Variants in RAD54B observed in about 807,000 individuals in gnomAD.
RAD54B encodes the protein DNA repair and recombination protein RAD54B.
In RAD54B, 78 loss-of-function variants were observed where a neutral mutation model predicts 95.8. The observed-to-expected ratio is 0.81, with a 90% confidence interval of 0.68 to 0.98. RAD54B has a LOEUF of 0.98. Ranked by LOEUF, RAD54B falls within the 50% of genes least tolerant of loss-of-function variation. RAD54B has a pLI of 0.00. For missense variants in RAD54B, 957 were observed against 1,056.6 expected (o/e 0.91, Z 1.31); for synonymous variants, 328 against 354.9 (o/e 0.92, Z 0.85).
At chr8:94,435,759 T>C (rs1812238326) in intron 3 of RAD54B, among the ~76,000 whole-genome samples, 1 of 152,014 alleles carries the variant, frequency 6.6e-6, no homozygotes, top group South Asian at 2.1e-4. Flanking sequence ...TAATTTGATA[T>C]CCTTGCAAAG....
rs71273330 is a variant in RAD54B, at chr8:94,377,545, GAAAAAAAAAAAAAAAA to G, written c.2515+619_2515+634del. On this transcript the variant is annotated intron_variant, in intron 14 of 14. Transcript: ENST00000336148. ...AGCAACAGAGCCAGACCCTGTCTTG[GAAAAAAAAAAAAAAAA>G]AAAAAAAAAAAAAAAAAAAACTCTA... 8.9e-4 allele frequency among the ~76,000 whole-genome samples: 63 copies of G among 70,582 alleles called. 2 individuals carry two copies. The highest frequency in any genetic ancestry group is 3.3e-3 in the South Asian group (7 of 2,148). The allele number at this position is 70,582 out of a possible 152,430, so 46.3% of individuals were successfully genotyped here. A position where few individuals can be genotyped will look rare whatever the true frequency, so the allele number is the denominator to read the frequency against.
chr8:94,415,211 C>T (rs1329109662), intron 3 of RAD54B, among the ~76,000 whole-genome samples: 8 of 151,458 alleles, frequency 5.3e-5, no homozygotes, highest in Non-Finnish European at 7.4e-5. Context: ...GAAATAACAC[C>T]GCATATCTAC....
chr8:94,432,473 A>G, intron 3 of RAD54B: 3 of 1,550,498 alleles, frequency 1.9e-6, no homozygotes, highest in Non-Finnish European at 2.6e-6. Flanking sequence ...TTTCCATAAC[A>G]TGTACTAATT....
intron 14 of RAD54B, among the ~76,000 whole-genome samples, chr8:94,377,083 C>T (rs2445721): frequency 0.48 from 72,280 of 151,820 alleles, 18,374 homozygotes; most frequent in Non-Finnish European, 0.59. Flanking sequence ...TTTACTTAAG[C>T]AGCACTAGCA....
chr8:94,427,787 T>C, intron 3 of RAD54B: 1 of 957,588 alleles, frequency 1.0e-6, no homozygotes, highest in Non-Finnish European at 1.2e-6. Flanking sequence ...CTACAGTATA[T>C]ATTAAACACA....
intron 2 of RAD54B, among the ~76,000 whole-genome samples, chr8:94,459,040 T>G (rs530068719): frequency 6.6e-6 from 1 of 152,324 alleles, no homozygotes; most frequent in African/African-American, 2.4e-5. Flanking sequence ...CATGCCATTC[T>G]CATAATAAAA....
At chr8:94,440,530 T>C (rs1004474794) in intron 3 of RAD54B, among the ~76,000 whole-genome samples, 7 of 152,144 alleles carry the variant, frequency 4.6e-5, no homozygotes, top group African/African-American at 1.4e-4. Flanking sequence ...GTAAAAGACA[T>C]CGAATAATTT....
At chr8:94,409,281 C>T (rs1472453836) in intron 4 of RAD54B, among the ~76,000 whole-genome samples, 1 of 151,994 alleles carries the variant, frequency 6.6e-6, no homozygotes, top group African/African-American at 2.4e-5. Context: ...TAAAATATAC[C>T]TATGTTCAGT....
At chr8:94,432,533 C>T in intron 3 of RAD54B, 1 of 1,550,504 alleles carries the variant, frequency 6.4e-7, no homozygotes, top group Non-Finnish European at 8.7e-7. Context: ...AATTTAAAAC[C>T]AGTGGAGGAG....
chr8:94,426,428 A>T (rs554485265), intron 3 of RAD54B, among the ~76,000 whole-genome samples: 1 of 152,216 alleles, frequency 6.6e-6, no homozygotes, highest in Non-Finnish European at 1.5e-5. Flanking sequence ...ATCTTTATAC[A>T]TAATAGCCAA....
intron 2 of RAD54B, among the ~76,000 whole-genome samples, chr8:94,464,958 C>CA (rs1812988783): frequency 3.9e-5 from 6 of 152,188 alleles, no homozygotes; most frequent in Middle Eastern, 3.4e-3. Context: ...CATGTGGACT[C>CA]AGAGCGAAAA....
At chr8:94,408,313 G>A (rs193248106) in intron 4 of RAD54B, among the ~76,000 whole-genome samples, 2 of 152,260 alleles carry the variant, frequency 1.3e-5, no homozygotes, top group East Asian at 3.9e-4. Flanking sequence ...GTGTTGCTGT[G>A]TAAAGGTGCT....
At position 94,446,678 on chromosome 8, in the gene RAD54B, A is replaced by G. The variant is rs557264127; in HGVS notation, c.304+11590T>C. On this transcript the variant is annotated intron_variant, in intron 3 of 14. Transcript: ENST00000336148. ...TCCACCCTGAAGTACACTGCACTTC[A>G]TTTTGTGTCATCTGGCCTTCACAGA... is the stretch of plus-strand genomic sequence containing the variant. 8.5e-5 allele frequency among the ~76,000 whole-genome samples: 13 copies of G among 152,224 alleles called. No individual in the cohort carries two copies. The South Asian group carries it at 2.5e-3, about 29-fold the overall frequency.
At position 94,411,283 on chromosome 8, in the gene RAD54B, T is replaced by G. The variant is rs1261716480; in HGVS notation, c.337A>C (p.Lys113Gln). 1.3e-6 allele frequency: 2 copies of G among 1,594,116 alleles called. No homozygotes were observed. The highest frequency in any genetic ancestry group is 1.7e-6 in the Non-Finnish European group (2 of 1,175,314). Residue 113 changes from lysine to glutamine, a missense_variant, in exon 4 of 15, where the codon AAG (lysine) becomes CAG (glutamine). Physicochemically the swap from Lys to Gln is moderately conservative, Grantham distance 53 (BLOSUM62 1). Coordinates refer to ENST00000336148, the MANE Select transcript of RAD54B (RefSeq NM_012415.3). ...HSAPKEVAVS[K>Q]EQEEKSDSLV... ...CTATCAGATTTCTCTTCTTGTTCCT[T>G]GGACACTGCTACTTCTTTAGGAGCC...
At chr8:94,471,610 A>C (rs1563669674) in intron 1 of RAD54B, among the ~76,000 whole-genome samples, 1 of 152,094 alleles carries the variant, frequency 6.6e-6, no homozygotes, top group Non-Finnish European at 1.5e-5. Flanking sequence ...TATATATTAA[A>C]ATACACAATC....
chr8:94,445,484 A>G (rs896417903), intron 3 of RAD54B, among the ~76,000 whole-genome samples: 2 of 152,092 alleles, frequency 1.3e-5, no homozygotes, highest in African/African-American at 4.8e-5. Flanking sequence ...CAAATCATGG[A>G]GCTCAGCTCT....
intron 3 of RAD54B, among the ~76,000 whole-genome samples, chr8:94,422,601 AAAAAAAAAAAAAAAAAATATATAT>A (rs1165589837): frequency 1.3e-4 from 12 of 93,292 alleles, no homozygotes; most frequent in African/African-American, 6.4e-4. Context: ...AAAAAAAAAA[AAAAAAAAAAAAAAAAAATATATAT>A]ATATATATAT....
chr8:94,460,208 C>A (rs1219724100), intron 2 of RAD54B, among the ~76,000 whole-genome samples: 1 of 151,134 alleles, frequency 6.6e-6, no homozygotes, highest in Non-Finnish European at 1.5e-5. Flanking sequence ...TGGTGGCTCA[C>A]ACCTGTAATC....
intron 2 of RAD54B, among the ~76,000 whole-genome samples, chr8:94,463,726 A>G (rs1812956635): frequency 6.6e-6 from 1 of 152,076 alleles, no homozygotes; most frequent in South Asian, 2.1e-4. Flanking sequence ...AAAAATTTAA[A>G]AATTAGCCTA....
Sources: gnomAD v4.1 joint callset for allele counts (sites outside exome capture counted in the v4.1 genomes callset) on GRCh38, gnomAD v4.1.1 for gene constraint, MANE v1.5 for transcripts, NCBI Gene and HGNC (gene_info 2026-07-23, HGNC 2026-07-21) for gene names.